The following FNDC3B variants were observed in gnomAD, a reference collection of about 807,000 sequenced individuals.
FNDC3B encodes fibronectin type III domain containing 3B, also known as fibronectin type III domain-containing protein 3B.
Under a neutral mutation model 151.5 loss-of-function variants are expected in FNDC3B, and 12 were observed. The observed-to-expected ratio is 0.08, with a 90% CI of 0.05 to 0.13. The LOEUF is 0.13. FNDC3B is among the 10% of genes least tolerant of loss of function. The pLI, the probability that FNDC3B is intolerant of heterozygous loss-of-function variation, is 1.00. For synonymous variants in FNDC3B, 528 were observed against 549.0 expected (o/e 0.96, Z 0.54); for missense variants, 1,214 against 1,505.3 (o/e 0.81, Z 3.20).
chr3:172,152,664 T>G (rs891619901), intron 3 of FNDC3B, among the ~76,000 whole-genome samples: 1 of 149,498 alleles, frequency 6.7e-6, no homozygotes, highest in African/African-American at 2.5e-5. Flanking sequence ...CTTCCCCTGA[T>G]AGCAGAGGGG....
intron 4 of FNDC3B, among the ~76,000 whole-genome samples, chr3:172,246,721 C>T (rs1727796878): frequency 6.6e-6 from 1 of 152,130 alleles, no homozygotes; most frequent in Non-Finnish European, 1.5e-5. Context: ...CGTGTAGCCA[C>T]TGCACTTCAG....
At chr3:172,122,718 C>T (rs893518121) in intron 2 of FNDC3B, among the ~76,000 whole-genome samples, 14 of 152,218 alleles carry the variant, frequency 9.2e-5, no homozygotes, top group African/African-American at 3.1e-4. Context: ...CTCTTTCCTG[C>T]CCCTTCCTTG....
At chr3:172,365,371 AAAATAATGATATATC>A (rs765300149) in intron 23 of FNDC3B, among the ~76,000 whole-genome samples, 8 of 152,202 alleles carry the variant, frequency 5.3e-5, no homozygotes, top group Non-Finnish European at 1.2e-4. Context: ...GCATGTGGCC[AAAATAATGATATATC>A]CCGCTTGTGG....
In FNDC3B at chr3:172,380,815, T is replaced by C. The variant is rs1185201260; in HGVS notation, c.3176-151T>C. 4 of 788,366 alleles carry C rather than the reference T, an allele frequency of 5.1e-6. No individual in the cohort carries two copies. In the Admixed American group the frequency reaches 7.1e-5, roughly 14 times the overall value. The allele number at this position is 788,366 out of a possible 1,614,324, so 48.8% of individuals were successfully genotyped here. A position where few individuals can be genotyped will look rare whatever the true frequency, so the allele number is the denominator to read the frequency against. On this transcript the variant is annotated intron_variant, in intron 24 of 25. Coordinates refer to ENST00000415807, the MANE Select transcript of FNDC3B (RefSeq NM_022763.4). ...CTGTGCCTAAAGGGCACCCTGCTGG[T>C]TTTATGAGAGGCTGGGCAAATCAGC...
chr3:172,307,331 A>G lies in FNDC3B; in HGVS notation c.1062-32A>G, dbSNP rs889892275. ...GAATCCTGGTCTTCTATGATGAGTC[A>G]CTGCCACTGACTGTGTCTGTTTTGT... On this transcript the variant is annotated intron_variant, in intron 9 of 25. Coordinates refer to ENST00000415807, the MANE Select transcript of FNDC3B (RefSeq NM_022763.4). 3 of 1,612,606 alleles carry G rather than the reference A, an allele frequency of 1.9e-6. No individual in the cohort carries two copies. In the African/African-American group the frequency reaches 4.0e-5, roughly 22 times the overall value.
intron 3 of FNDC3B, among the ~76,000 whole-genome samples, chr3:172,221,749 A>T (rs931327993): frequency 6.6e-6 from 1 of 152,184 alleles, no homozygotes; most frequent in Non-Finnish European, 1.5e-5. Flanking sequence ...AGCTTGTGTA[A>T]GAGTCTTGAG....
At chr3:172,290,130 C>T (rs1445288952) in intron 7 of FNDC3B, among the ~76,000 whole-genome samples, 3 of 152,128 alleles carry the variant, frequency 2.0e-5, no homozygotes, top group Non-Finnish European at 2.9e-5. Context: ...GTGTTCCTTT[C>T]AGCCACAACT....
chr3:172,106,854 GAAGA>G (rs1220598966), intron 1 of FNDC3B, among the ~76,000 whole-genome samples: 1 of 149,024 alleles, frequency 6.7e-6, no homozygotes, highest in African/African-American at 2.4e-5. Flanking sequence ...AGCAAAATAA[GAAGA>G]AAAAGGAATA....
intron 7 of FNDC3B, among the ~76,000 whole-genome samples, chr3:172,294,049 A>C (rs999263326): frequency 3.3e-5 from 5 of 152,242 alleles, no homozygotes; most frequent in Admixed American, 2.0e-4. Context: ...ATATCCAGAT[A>C]GCAATAGAAT....
At chr3:172,185,030 T>C (rs533543676) in intron 3 of FNDC3B, among the ~76,000 whole-genome samples, 20 of 152,312 alleles carry the variant, frequency 1.3e-4, no homozygotes, top group African/African-American at 4.6e-4. Flanking sequence ...TGAAAAATTA[T>C]CCATTAAAAA....
At chr3:172,379,037 G>A (rs764346828) in intron 24 of FNDC3B, among the ~76,000 whole-genome samples, 3 of 152,206 alleles carry the variant, frequency 2.0e-5, no homozygotes, top group Non-Finnish European at 4.4e-5. Context: ...CGAAGCTAGT[G>A]AACAAAAGAC....
At chr3:172,269,620 G>T (rs115471771) in intron 6 of FNDC3B, among the ~76,000 whole-genome samples, 5,505 of 151,826 alleles carry the variant, frequency 0.036, 127 homozygotes, top group Middle Eastern at 0.092. Flanking sequence ...AATCTGTGTG[G>T]TTTTTTTGTT....
At chr3:172,096,718 T>G (rs1719107491) in intron 1 of FNDC3B, among the ~76,000 whole-genome samples, 3 of 152,220 alleles carry the variant, frequency 2.0e-5, no homozygotes, top group Non-Finnish European at 4.4e-5. Flanking sequence ...ACATCATCAT[T>G]TTAACAGTGG....
chr3:172,067,813 G>T (rs77186810), intron 1 of FNDC3B, among the ~76,000 whole-genome samples: 3 of 152,200 alleles, frequency 2.0e-5, no homozygotes, highest in African/African-American at 4.8e-5. Flanking sequence ...AAACCAGTTT[G>T]TTTCTCTGCC....
At chr3:172,311,130 GTCTTA>G (rs1219985625) in intron 11 of FNDC3B, among the ~76,000 whole-genome samples, 1 of 152,150 alleles carries the variant, frequency 6.6e-6, no homozygotes, top group African/African-American at 2.4e-5. Context: ...AAAAAGTGGG[GTCTTA>G]TCTATTTTGG....
chr3:172,192,176 G>GT (rs113729648), intron 3 of FNDC3B, among the ~76,000 whole-genome samples: 58,967 of 136,854 alleles, frequency 0.43, 13,473 homozygotes, highest in Non-Finnish European at 0.5. Flanking sequence ...TGTGTTTTTT[G>GT]TTTTTTTTTT....
At chr3:172,383,752 A>G (rs1735568308) in intron 25 of FNDC3B, among the ~76,000 whole-genome samples, 1 of 152,232 alleles carries the variant, frequency 6.6e-6, no homozygotes, top group African/African-American at 2.4e-5. Flanking sequence ...TAGTTTTATC[A>G]TGTTTCATAG....
intron 11 of FNDC3B, 47 bp from the exon 12 acceptor site, chr3:172,328,904 TG>T (rs760398649): frequency 6.5e-5 from 89 of 1,369,212 alleles, no homozygotes; most frequent in South Asian, 3.5e-4. Context: ...GGTTATCTGT[TG>T]TTTTTTTTTT....
rs200812385 is a variant in FNDC3B, at chr3:172,251,477, C to T, written c.726C>T (p.Pro242=). ...GCGGAGGCGGCAGCGGTAGTGGTCC[C>T]GGAATTAAGAAAACAGAGCGACGAG... ...GSGGGGSGSG[P]GIKKTERRAR... is the part of the protein sequence containing the mutation. Residue 242 remains proline, a synonymous_variant, in exon 6 of 26, where the codon CCC becomes CCT. Coordinates refer to ENST00000415807, the MANE Select transcript of FNDC3B (RefSeq NM_022763.4). The T allele has an allele frequency of 2.0e-5, 32 of 1,613,856 alleles. No homozygotes were observed. In the Admixed American group the frequency reaches 2.5e-4, roughly 13 times the overall value.
Sources: allele counts gnomAD v4.1 joint callset (sites outside exome capture counted in the v4.1 genomes callset), GRCh38; gene constraint gnomAD v4.1.1; transcripts MANE v1.5; gene names NCBI Gene and HGNC (gene_info 2026-07-23, HGNC 2026-07-21).